MCTP1: variants seen among roughly 807,000 people sequenced by gnomAD.
The protein encoded by MCTP1 is multiple C2 and transmembrane domain containing 1, also known as multiple C2 and transmembrane domain-containing protein 1.
Under a neutral mutation model 120.6 loss-of-function variants are expected in MCTP1, and 69 were observed. The ratio of observed to expected loss-of-function variants is 0.57; its 90% CI spans 0.47 to 0.70. MCTP1 has a LOEUF of 0.70. MCTP1 is among the 30% of genes least tolerant of loss of function. The pLI is 0.00. For synonymous variants in MCTP1, 529 were observed against 493.1 expected (o/e 1.07, Z -0.96); for missense variants, 1,203 against 1,248.8 (o/e 0.96, Z 0.55).
chr5:95,267,380 GA>G (rs1253585561), intron 1 of MCTP1, among the ~76,000 whole-genome samples: 1 of 152,138 alleles, frequency 6.6e-6, no homozygotes, highest in East Asian at 1.9e-4. Flanking sequence ...CCTAGGCTCG[GA>G]AATGTGCTGT....
At chr5:94,939,341 A>C (rs776776730) in intron 5 of MCTP1, among the ~76,000 whole-genome samples, 1 of 152,022 alleles carries the variant, frequency 6.6e-6, no homozygotes, top group Admixed American at 6.6e-5. Flanking sequence ...TACTACTAAA[A>C]TGTGTTATAA....
intron 18 of MCTP1, among the ~76,000 whole-genome samples, chr5:94,793,985 A>G (rs1212736565): frequency 2.0e-5 from 3 of 152,254 alleles, no homozygotes; most frequent in Non-Finnish European, 4.4e-5. Flanking sequence ...TAAAAGGGAA[A>G]TGAAGAAACA....
intron 1 of MCTP1, among the ~76,000 whole-genome samples, chr5:95,026,123 G>A (rs890371095): frequency 6.6e-6 from 1 of 151,928 alleles, no homozygotes; most frequent in African/African-American, 2.4e-5. Flanking sequence ...CTGTTAGCTG[G>A]CATGATTGAT....
At chr5:94,885,924 A>G (rs1406365963) in intron 12 of MCTP1, among the ~76,000 whole-genome samples, 1 of 152,214 alleles carries the variant, frequency 6.6e-6, no homozygotes, top group Admixed American at 6.5e-5. Context: ...GCCTTGCTCA[A>G]TGCATGTGTA....
At chr5:95,182,943 T>C (rs894787037) in intron 1 of MCTP1, among the ~76,000 whole-genome samples, 2 of 151,354 alleles carry the variant, frequency 1.3e-5, no homozygotes, top group Admixed American at 1.3e-4. Flanking sequence ...GGAGAATCGC[T>C]TGAACCTGGA....
chr5:95,248,174 G>A (rs918617795), intron 1 of MCTP1, among the ~76,000 whole-genome samples: 8 of 152,244 alleles, frequency 5.3e-5, no homozygotes, highest in African/African-American at 1.9e-4. Context: ...TCTGGCCAGG[G>A]CAATCAGGCA....
intron 1 of MCTP1, among the ~76,000 whole-genome samples, chr5:95,223,038 C>T (rs913648133): frequency 1.3e-5 from 2 of 152,182 alleles, no homozygotes; most frequent in Admixed American, 1.3e-4. Context: ...TTCAGTCCTT[C>T]AACTGATTGG....
chr5:94,958,641 C>T (rs1056088003), intron 2 of MCTP1, among the ~76,000 whole-genome samples: 1 of 152,142 alleles, frequency 6.6e-6, no homozygotes. Context: ...ACTATAAACA[C>T]CTCTACACAA....
At chr5:94,838,191 A>C (rs985562286) in intron 17 of MCTP1, among the ~76,000 whole-genome samples, 1 of 152,232 alleles carries the variant, frequency 6.6e-6, no homozygotes, top group Admixed American at 6.5e-5. Flanking sequence ...AGCAACAGCC[A>C]TCATCGTACT....
intron 1 of MCTP1, among the ~76,000 whole-genome samples, chr5:95,022,618 A>G (rs909646328): frequency 2.0e-5 from 3 of 152,186 alleles, no homozygotes; most frequent in African/African-American, 7.2e-5. Context: ...AGCTGAGTAG[A>G]AACATCAATG....
At position 95,077,620 on chromosome 5, in the gene MCTP1, T is replaced by C. The variant is rs566537330; in HGVS notation, c.721-60136A>G. Among the ~76,000 whole-genome samples, 98 of 152,052 alleles carry C rather than the reference T, an allele frequency of 6.4e-4. No individual in the cohort carries two copies. The East Asian group carries it at 0.015, about 23-fold the overall frequency. ...GCCGAGTAGCTGGGACTACAGGCGCTCGCCACCACGCCCAGCTAATTGTTT... is the reference window on the plus strand; with the variant it reads ...GCCGAGTAGCTGGGACTACAGGCGCCCGCCACCACGCCCAGCTAATTGTTT... On this transcript the variant is annotated intron_variant, in intron 1 of 22. Transcript: ENST00000515393.
chr5:94,850,291 G>A (rs959194687), intron 17 of MCTP1, among the ~76,000 whole-genome samples: 2 of 152,182 alleles, frequency 1.3e-5, no homozygotes, highest in Non-Finnish European at 2.9e-5. Context: ...GAACTTTAAG[G>A]CCCAAAAACT....
At chr5:94,737,959 G>A (rs778499242) in intron 19 of MCTP1, among the ~76,000 whole-genome samples, 1 of 152,194 alleles carries the variant, frequency 6.6e-6, no homozygotes, top group Non-Finnish European at 1.5e-5. Flanking sequence ...GATTGCAGGC[G>A]TGAGCCACCG....
chr5:95,205,672 A>G (rs1310831811), intron 1 of MCTP1, among the ~76,000 whole-genome samples: 1 of 152,160 alleles, frequency 6.6e-6, no homozygotes. Flanking sequence ...TAGCACAATA[A>G]TAAAAGCTAA....
chr5:94,727,408 C>T (rs1045361870), intron 19 of MCTP1, among the ~76,000 whole-genome samples: 1 of 152,152 alleles, frequency 6.6e-6, no homozygotes, highest in Non-Finnish European at 1.5e-5. Context: ...CTTTAATAAC[C>T]CATTTTTCAA....
chr5:94,939,518 G>T (rs1481279914), intron 5 of MCTP1, among the ~76,000 whole-genome samples: 1 of 151,930 alleles, frequency 6.6e-6, no homozygotes, highest in African/African-American at 2.4e-5. Flanking sequence ...GGTCCTCTGT[G>T]TCCCTTGTCA....
intron 1 of MCTP1, among the ~76,000 whole-genome samples, chr5:95,091,705 C>G (rs142300781): frequency 1.3e-5 from 2 of 152,188 alleles, no homozygotes; most frequent in Admixed American, 1.3e-4. Context: ...CTGACTGCAA[C>G]GACATGAAGG....
chr5:94,866,083 T>A (rs191388693), intron 17 of MCTP1, among the ~76,000 whole-genome samples: 52 of 152,090 alleles, frequency 3.4e-4, no homozygotes, highest in Admixed American at 2.2e-3. Context: ...ACAATAGTAC[T>A]AAGCTATGTT....
At chr5:95,061,901 C>A (rs1749330059) in intron 1 of MCTP1, among the ~76,000 whole-genome samples, 1 of 152,164 alleles carries the variant, frequency 6.6e-6, no homozygotes, top group Non-Finnish European at 1.5e-5. Context: ...ATATATGCCT[C>A]AGGTTAAAGA....
Sources: gnomAD v4.1 joint callset for allele counts (sites outside exome capture counted in the v4.1 genomes callset) on GRCh38, gnomAD v4.1.1 for gene constraint, MANE v1.5 for transcripts, NCBI Gene and HGNC (gene_info 2026-07-23, HGNC 2026-07-21) for gene names.